The following PAX9 variants were observed in gnomAD, a reference collection of about 807,000 sequenced individuals.
PAX9 encodes paired box 9, also known as paired box protein Pax-9.
In PAX9, 6 loss-of-function variants were observed where a neutral mutation model predicts 29.1. The ratio of observed to expected loss-of-function variants is 0.21; its 90% CI spans 0.11 to 0.41. The LOEUF (loss-of-function observed/expected upper bound fraction) is 0.41, where lower values mean the gene tolerates loss of function less well. Ranked by LOEUF, PAX9 falls within the 10% of genes least tolerant of loss-of-function variation. The probability of loss-of-function intolerance (pLI) is 1.00; values close to 1 mark genes in which losing one functional copy is unlikely to be tolerated. For synonymous variants in PAX9, 217 were observed against 211.7 expected (o/e 1.03, Z -0.22); for missense variants, 443 against 479.1 (o/e 0.92, Z 0.70).
chr14:36,672,720 A>G (rs1594473230), intron 3 of PAX9, among the ~76,000 whole-genome samples: 1 of 150,754 alleles, frequency 6.6e-6, no homozygotes, highest in South Asian at 2.1e-4. Context: ...AGCTAGGGTC[A>G]TAATTTAACC....
intron 1 of PAX9, 140 bp from the exon 2 acceptor site, chr14:36,662,756 AT>A: frequency 2.0e-6 from 2 of 988,004 alleles, no homozygotes; most frequent in Non-Finnish European, 3.0e-6. Flanking sequence ...TTCAGGGACC[AT>A]ATGGTTTGGG....
chr14:36,674,478 A>T (rs1265437507), intron 3 of PAX9, among the ~76,000 whole-genome samples: 1 of 152,228 alleles, frequency 6.6e-6, no homozygotes, highest in African/African-American at 2.4e-5. Context: ...AAAGAGGATA[A>T]GATTTCATTT....
intron 3 of PAX9, among the ~76,000 whole-genome samples, chr14:36,673,449 C>T (rs1323712029): frequency 6.6e-6 from 1 of 151,982 alleles, no homozygotes; most frequent in East Asian, 1.9e-4. Context: ...GGCCTAAATC[C>T]AATGTCCTGC....
intron 1 of PAX9, 156 bp from the exon 2 acceptor site, chr14:36,662,741 C>G (rs1881326336): frequency 1.2e-6 from 1 of 868,918 alleles, no homozygotes; most frequent in African/African-American, 1.7e-5. Flanking sequence ...GGCCGTTCGG[C>G]TATGTTCAGG....
intron 3 of PAX9, among the ~76,000 whole-genome samples, chr14:36,672,440 C>T (rs1197985987): frequency 2.0e-5 from 3 of 152,044 alleles, no homozygotes; most frequent in Non-Finnish European, 4.4e-5. Flanking sequence ...TTTTCCTTTG[C>T]GGTGGAAAAT....
chr14:36,669,234 A>T (rs1881620776), intron 3 of PAX9, among the ~76,000 whole-genome samples: 1 of 152,218 alleles, frequency 6.6e-6, no homozygotes, highest in Non-Finnish European at 1.5e-5. Flanking sequence ...GTTAAATTGC[A>T]CATTAATACT....
At position 36,676,606 on chromosome 14, in the gene PAX9, C is replaced by A; in HGVS notation, c.*154C>A. 1 of 827,224 alleles carries A rather than the reference C, an allele frequency of 1.2e-6. No homozygotes were observed. Among genetic ancestry groups the A allele is most frequent in the Non-Finnish European group, 1.9e-6 (1 of 512,858 alleles). 51.2% of individuals were successfully genotyped at this position (827,224 alleles called of 1,614,324 possible). ...ACTCACATCCTTTGTGCTAATGACA[C>A]TTACATATTTCTTGCCATAACTTTT... On this transcript the variant is annotated 3_prime_UTR_variant, in exon 4 of 4. Coordinates refer to ENST00000361487, the MANE Select transcript of PAX9 (RefSeq NM_001372076.1).
chr14:36,663,359 A>G lies in PAX9; in HGVS notation c.467A>G (p.Tyr156Cys). 3 of 1,614,052 alleles carry G rather than the reference A, an allele frequency of 1.9e-6. No homozygotes were observed. In the South Asian group the frequency reaches 3.3e-5, roughly 18 times the overall value. The part of the protein sequence containing the change: ...HQPTPQPALP[Y>C]NHIYSYPSPI... ...CCGACGCCGCAGCCAGCGCTGCCCT[A>G]CAACCACATCTACTCGTACCCCAGC... The change falls in exon 2 of 4, where the codon TAC becomes TGC. Residue 156 changes from tyrosine to cysteine, a missense_variant. Around this residue, in one of 2 missense-constraint regions of PAX9, gnomAD observed 336 missense variants for 317.2 expected, o/e 1.06. Coordinates refer to ENST00000361487, the MANE Select transcript of PAX9 (RefSeq NM_001372076.1).
rs575739055 is a variant in PAX9, at chr14:36,675,995, T to C, written c.772-203T>C. 1.8e-4 allele frequency among the ~76,000 whole-genome samples: 28 copies of C among 152,340 alleles called. No individual in the cohort carries two copies. The South Asian group carries it at 5.0e-3, about 27-fold the overall frequency. On this transcript the variant is annotated intron_variant, in intron 3 of 3. Coordinates refer to ENST00000361487, the MANE Select transcript of PAX9 (RefSeq NM_001372076.1). ...CTCTAAATGTTTGTGGAAAGAATAA[T>C]ATCTTGTCATTATGTTTGTTTAAGT...
upstream of PAX9, among the ~76,000 whole-genome samples, chr14:36,659,332 C>T (rs1161525269): frequency 6.6e-6 from 1 of 152,128 alleles, no homozygotes; most frequent in Non-Finnish European, 1.5e-5. Context: ...TCTTTCTCTG[C>T]CTCAGATCCG....
In PAX9 at chr14:36,675,203, A is replaced by G. The variant is rs193228460; in HGVS notation, c.772-995A>G. On this transcript the variant is annotated intron_variant, in intron 3 of 3. Coordinates refer to ENST00000361487, the MANE Select transcript of PAX9 (RefSeq NM_001372076.1). The stretch of plus-strand genomic sequence containing the variant: ...CAGCATCTACACTTTATTTCTAAAG[A>G]GTATAAAAATTGAGGGGAAAAAATT... Among the ~76,000 whole-genome samples the G allele has an allele frequency of 1.2e-3, 182 of 152,344 alleles. 5 individuals are homozygous for G. The highest frequency in any genetic ancestry group is 0.012 in the Admixed American group (180 of 15,304).
chr14:36,672,690 C>CA (rs941211925), intron 3 of PAX9, among the ~76,000 whole-genome samples: 2 of 74,482 alleles, frequency 2.7e-5, no homozygotes, highest in Non-Finnish European at 5.1e-5. Flanking sequence ...AAAATTAAGA[C>CA]AAAACTCTCC....
intron 1 of PAX9, 101 bp downstream of exon 1, chr14:36,662,194 A>G (rs1566466549): frequency 7.9e-7 from 1 of 1,273,160 alleles, no homozygotes; most frequent in South Asian, 1.5e-5. Context: ...GCGCGCCACT[A>G]GGCGCTCACA....
In PAX9 at chr14:36,663,025, C is replaced by A; in HGVS notation, c.133C>A (p.Gln45Lys). Reference sequence around the variant, plus strand: ...CATCCGACCGTGTGACATCAGCCGCCAGCTACGGGTCTCGCACGGCTGCGT... The same window carrying A: ...CATCCGACCGTGTGACATCAGCCGCAAGCTACGGGTCTCGCACGGCTGCGT... ...LGIRPCDISR[Q>K]LRVSHGCVSK... The change falls in exon 2 of 4, where the codon CAG becomes AAG. Residue 45 changes from glutamine to lysine, a missense_variant. Coordinates refer to ENST00000361487, the MANE Select transcript of PAX9 (RefSeq NM_001372076.1). 1 of 1,613,852 alleles carries A rather than the reference C, an allele frequency of 6.2e-7. No homozygotes were observed. Among genetic ancestry groups the A allele is most frequent in the Non-Finnish European group, 8.5e-7 (1 of 1,180,040 alleles).
rs1478734751 is a variant in PAX9 at position 36,679,063 on chromosome 14, T to C, written c.*2611T>C. The C allele has an allele frequency of 6.1e-6, 6 of 985,390 alleles. No homozygotes were observed. The highest frequency in any genetic ancestry group is 5.2e-4 in the Middle Eastern group (1 of 1,938). 61.0% of individuals were successfully genotyped at this position (985,390 alleles called of 1,614,324 possible). ...GAAATCCTTTTCTATCTGATCCACA[T>C]GGAGAGGTTAAAGGTTCAATTTCAT... On this transcript the variant is annotated 3_prime_UTR_variant, in exon 4 of 4. Coordinates refer to ENST00000361487, the MANE Select transcript of PAX9 (RefSeq NM_001372076.1).
intron 2 of PAX9, among the ~76,000 whole-genome samples, chr14:36,665,169 A>G (rs1480863364): frequency 2.1e-3 from 72 of 35,036 alleles, no homozygotes; most frequent in African/African-American, 5.4e-3. Flanking sequence ...GACATAGTGA[A>G]AAAAAAAAAA....
rs1331104175 is a variant in PAX9 at position 36,676,258 on chromosome 14, C to G, written c.832C>G (p.Pro278Ala). 1.2e-6 allele frequency: 2 copies of G among 1,614,136 alleles called. No individual in the cohort carries two copies. Among genetic ancestry groups the G allele is most frequent in the Non-Finnish European group, 1.7e-6 (2 of 1,180,014 alleles). ...FVSASSMAPY[P>A]TPAQVSPYMT... ...GTCAGCATCCAGCATGGCTCCTTAC[C>G]CTACCCCAGCCCAAGTGTCGCCTTA... Residue 278 changes from proline (P) to alanine (A), a missense_variant, in exon 4 of 4, where the codon CCT (proline) becomes GCT (alanine). By Grantham distance (27) the Pro-to-Ala change is conservative (BLOSUM62 -1). Transcript: ENST00000361487.
chr14:36,672,848 CT>C (rs1427426363), intron 3 of PAX9, among the ~76,000 whole-genome samples: 1 of 18,906 alleles, frequency 5.3e-5, no homozygotes, highest in African/African-American at 1.3e-4. Flanking sequence ...TTCTTTCTTT[CT>C]TCCTTTTTTT....
At chr14:36,675,828 G>T (rs1396739707) in intron 3 of PAX9, among the ~76,000 whole-genome samples, 1 of 152,130 alleles carries the variant, frequency 6.6e-6, no homozygotes, top group Admixed American at 6.5e-5. Flanking sequence ...CCAAGTCCCA[G>T]GAAGGTTGAC....
Sources: gnomAD v4.1 joint callset for allele counts (sites outside exome capture counted in the v4.1 genomes callset) on GRCh38, gnomAD v4.1.1 for gene constraint, gnomAD v4.1.1 regional missense constraint, MANE v1.5 for transcripts, NCBI Gene and HGNC (gene_info 2026-07-23, HGNC 2026-07-21) for gene names.